THADA: variants seen among roughly 807,000 people sequenced by gnomAD.
THADA encodes tRNA (32-2'-O)-methyltransferase regulator THADA.
A neutral mutation model predicts 219.8 loss-of-function variants in THADA; 213 were observed. The observed-to-expected ratio is 0.97, with a 90% confidence interval of 0.87 to 1.09. The LOEUF is 1.09. THADA is among the 50% of genes least tolerant of loss of function. The pLI, the probability that THADA is intolerant of heterozygous loss-of-function variation, is 0.00. For missense variants in THADA, 2,956 were observed against 2,311.3 expected (o/e 1.28, Z -5.72); for synonymous variants, 1,018 against 828.9 (o/e 1.23, Z -3.92).
chr2:43,531,673 T>G lies in THADA; in HGVS notation c.3265-3685A>C, dbSNP rs569905830. 6.6e-5 allele frequency among the ~76,000 whole-genome samples: 10 copies of G among 152,310 alleles called. No homozygotes were observed. In the East Asian group the frequency reaches 1.9e-3, roughly 29 times the overall value. The stretch of plus-strand genomic sequence containing the variant: ...CAATTTCAAAATTTGATTTTTAAAA[T>G]GAAAATCTCTGAATTTTCACTTTAA... On this transcript the variant is annotated intron_variant, in intron 21 of 37. Coordinates refer to ENST00000405975, the MANE Select transcript of THADA (RefSeq NM_022065.5).
chr2:43,592,459 A>C, intron 1 of THADA, 43 bp from the exon 2 acceptor site: 44 of 1,178,900 alleles, frequency 3.7e-5, no homozygotes, highest in Non-Finnish European at 4.8e-5. Flanking sequence ...AAGGTTTCTC[A>C]ACCTCAGCAC....
chr2:43,557,900 T>A (rs1697575607), intron 16 of THADA, among the ~76,000 whole-genome samples: 1 of 152,254 alleles, frequency 6.6e-6, no homozygotes, highest in South Asian at 2.1e-4. Context: ...TCTGTTTATT[T>A]CAATTTAAAT....
intron 26 of THADA, among the ~76,000 whole-genome samples, chr2:43,451,877 C>T (rs972921080): frequency 6.6e-6 from 1 of 152,190 alleles, no homozygotes; most frequent in South Asian, 2.1e-4. Flanking sequence ...GAGGCTGAGG[C>T]AGGTCAATCA....
chr2:43,328,897 C>A (rs1370820161), intron 30 of THADA, among the ~76,000 whole-genome samples: 1 of 152,194 alleles, frequency 6.6e-6, no homozygotes, highest in Non-Finnish European at 1.5e-5. Flanking sequence ...TAATCACCTG[C>A]CTTTCCAGAG....
intron 20 of THADA, among the ~76,000 whole-genome samples, chr2:43,543,073 G>A (rs1301123904): frequency 7.3e-6 from 1 of 136,644 alleles, no homozygotes; most frequent in South Asian, 2.3e-4. Flanking sequence ...CCCTTCCTGT[G>A]CCCATGTGTT....
chr2:43,371,789 G>A (rs931366847), intron 29 of THADA, among the ~76,000 whole-genome samples: 1 of 151,932 alleles, frequency 6.6e-6, no homozygotes, highest in Admixed American at 6.6e-5. Flanking sequence ...ACCTCCACAC[G>A]CAATTTGGCC....
At chr2:43,313,024 A>G (rs1677688654) in intron 31 of THADA, among the ~76,000 whole-genome samples, 2 of 152,230 alleles carry the variant, frequency 1.3e-5, no homozygotes, top group African/African-American at 2.4e-5. Flanking sequence ...ATTCTCTGTA[A>G]CTGTTCAGCT....
At chr2:43,451,000 A>G (rs1682243788) in intron 26 of THADA, among the ~76,000 whole-genome samples, 2 of 152,218 alleles carry the variant, frequency 1.3e-5, no homozygotes, top group Non-Finnish European at 2.9e-5. Context: ...TGCAAAATAA[A>G]AGGAATTCTG....
chr2:43,461,133 C>T (rs1683593275), intron 26 of THADA, among the ~76,000 whole-genome samples: 1 of 152,158 alleles, frequency 6.6e-6, no homozygotes, highest in African/African-American at 2.4e-5. Context: ...AACCTTATTT[C>T]TCAAACACTG....
chr2:43,265,165 T>A (rs1398219412), intron 36 of THADA, among the ~76,000 whole-genome samples: 1 of 152,162 alleles, frequency 6.6e-6, no homozygotes, highest in African/African-American at 2.4e-5. Context: ...CAGCAACTCC[T>A]GCCCATTCCA....
chr2:43,553,705 A>G (rs1322779198), intron 17 of THADA, among the ~76,000 whole-genome samples: 5 of 152,166 alleles, frequency 3.3e-5, no homozygotes, highest in Admixed American at 1.3e-4. Context: ...CTATTTTCCA[A>G]AGCAGATACA....
At chr2:43,551,701 C>A in intron 19 of THADA, 88 bp downstream of exon 19, 1 of 1,278,148 alleles carries the variant, frequency 7.8e-7, no homozygotes, top group South Asian at 2.2e-5. Flanking sequence ...TTATATCTCC[C>A]CAAAGAAATA....
At chr2:43,555,441 C>G (rs1403038896) in intron 17 of THADA, among the ~76,000 whole-genome samples, 1 of 151,428 alleles carries the variant, frequency 6.6e-6, no homozygotes, top group Non-Finnish European at 1.5e-5. Flanking sequence ...TTTAAACATT[C>G]TTTGTATGTT....
intron 36 of THADA, among the ~76,000 whole-genome samples, chr2:43,276,328 T>C (rs1009781270): frequency 2.0e-5 from 3 of 152,142 alleles, no homozygotes; most frequent in Non-Finnish European, 4.4e-5. Flanking sequence ...GTTAACAGGC[T>C]GTGAGTTTCA....
rs559739326 is a variant in THADA, at chr2:43,351,968, T to C, written c.4228-7731A>G. Among the ~76,000 whole-genome samples the C allele has an allele frequency of 1.6e-4, 24 of 152,360 alleles. No homozygotes were observed. In the South Asian group the frequency reaches 4.6e-3, roughly 29 times the overall value. On this transcript the variant is annotated intron_variant, in intron 29 of 37. Transcript: ENST00000405975. ...GCAAGGTTTGGACAGTGGTGTCAGA[T>C]AGTCAACCTTAACCCAACATACAAA... is the stretch of plus-strand genomic sequence containing the variant.
intron 31 of THADA, among the ~76,000 whole-genome samples, chr2:43,300,969 C>G (rs1315772169): frequency 6.6e-6 from 1 of 152,134 alleles, no homozygotes; most frequent in African/African-American, 2.4e-5. Context: ...TGCTGCTGAT[C>G]CAGGTATTTT....
chr2:43,483,276 T>C (rs1686466085), intron 26 of THADA, among the ~76,000 whole-genome samples: 1 of 152,184 alleles, frequency 6.6e-6, no homozygotes, highest in Non-Finnish European at 1.5e-5. Context: ...AAAAGGTCCT[T>C]CCTTCAGAAA....
intron 36 of THADA, among the ~76,000 whole-genome samples, chr2:43,268,025 G>A (rs558024899): frequency 1.1e-4 from 16 of 152,316 alleles, no homozygotes; most frequent in African/African-American, 3.6e-4. Context: ...AAAGGAACAA[G>A]GGAAGAGGAG....
chr2:43,289,824 A>G (rs1174787061), intron 34 of THADA, among the ~76,000 whole-genome samples: 1 of 149,492 alleles, frequency 6.7e-6, no homozygotes, highest in Non-Finnish European at 1.5e-5. Flanking sequence ...GCTAATTTTT[A>G]TAATTTTTAG....
Sources: allele counts gnomAD v4.1 joint callset (sites outside exome capture counted in the v4.1 genomes callset), GRCh38; gene constraint gnomAD v4.1.1; transcripts MANE v1.5; gene names NCBI Gene and HGNC (gene_info 2026-07-23, HGNC 2026-07-21).